Variants in SPON2 observed in about 807,000 individuals in gnomAD.
SPON2 encodes spondin-2.
A neutral mutation model predicts 29.9 loss-of-function variants in SPON2; 32 were observed. The observed-to-expected ratio is 1.07, with a 90% CI of 0.81 to 1.44. SPON2 has a LOEUF of 1.44. SPON2 is among the 40% of genes most tolerant of loss of function. The probability of loss-of-function intolerance (pLI) is 0.00; values close to 1 mark genes in which losing one functional copy is unlikely to be tolerated. For missense variants in SPON2, 541 were observed against 455.5 expected (o/e 1.19, Z -1.71); for synonymous variants, 248 against 209.1 (o/e 1.19, Z -1.61).
chr4:1,171,795 G>T lies in SPON2; in HGVS notation c.220+57C>A, dbSNP rs571597094. The T allele has an allele frequency of 4.2e-6, 5 of 1,195,086 alleles. No homozygotes were observed. In the Admixed American group the frequency reaches 5.1e-5, roughly 12 times the overall value. 74.0% of individuals were successfully genotyped at this position (1,195,086 alleles called of 1,614,324 possible). A position where few individuals can be genotyped will look rare whatever the true frequency, so the allele number is the denominator to read the frequency against. On this transcript the variant is annotated intron_variant, in intron 2 of 5. Coordinates refer to ENST00000290902, the MANE Select transcript of SPON2 (RefSeq NM_012445.4). ...GCGCCGCCGTGCAGCTGTGCGGGGG[G>T]CTCCGGCGCCGCAGCCCTCCTGGTG...
intron 4 of SPON2, 197 bp from the exon 5 acceptor site, chr4:1,170,773 G>A: frequency 2.1e-6 from 2 of 942,276 alleles, no homozygotes; most frequent in Non-Finnish European, 3.3e-6. Context: ...CAGCCTCCTC[G>A]GGACGCGCGT....
At chr4:1,173,440 G>C (rs1431897822), upstream of SPON2, among the ~76,000 whole-genome samples, 3 of 152,176 alleles carry the variant, frequency 2.0e-5, no homozygotes, top group South Asian at 2.1e-4. Flanking sequence ...GCTGCAGGCC[G>C]GCGGTGTGTG....
At chr4:1,176,265 A>G (rs1183294824), upstream of SPON2, among the ~76,000 whole-genome samples, 4 of 152,088 alleles carry the variant, frequency 2.6e-5, no homozygotes, top group Admixed American at 1.3e-4. Context: ...GGGTCACAGG[A>G]TAAGTATCCA....
At chr4:1,180,755 G>T (rs1727688458) in intron 1 of SPON2, among the ~76,000 whole-genome samples, 1 of 152,218 alleles carries the variant, frequency 6.6e-6, no homozygotes, top group Non-Finnish European at 1.5e-5. Flanking sequence ...ACTCTCACTA[G>T]AGGATTTCAA....
At chr4:1,194,024 C>T (rs1199743741) in intron 1 of SPON2, among the ~76,000 whole-genome samples, 1 of 151,980 alleles carries the variant, frequency 6.6e-6, no homozygotes, top group African/African-American at 2.4e-5. Context: ...CAGGGGGGTG[C>T]CCTGTGGCCC....
rs967416122 is a variant in SPON2 at position 1,202,330 on chromosome 4, G to T, written c.-234+5550C>A. 2.0e-5 allele frequency among the ~76,000 whole-genome samples: 3 copies of T among 152,124 alleles called. No individual in the cohort carries two copies. The highest frequency in any genetic ancestry group is 6.5e-5 in the Admixed American group (1 of 15,268). ...TGAGTGGATCAAACACCTCCCATCA[G>T]TCCCCACCTCCCGGCACTCCACGGG... On this transcript the variant is annotated intron_variant, in intron 1 of 3. Coordinates refer to the SPON2 transcript ENST00000509233. This position sits in a 1 kb window ranked among gnomAD's most constrained non-coding sequence, Gnocchi z 5.4.
chr4:1,174,486 C>CAAAAAAAAAAAAAAAACAAAA (rs1727550200), upstream of SPON2, among the ~76,000 whole-genome samples: 1 of 94,292 alleles, frequency 1.1e-5, no homozygotes, highest in Admixed American at 1.0e-4. Flanking sequence ...GACTCCATCT[C>CAAAAAAAAAAAAAAAACAAAA]AAAAAAAAAA....
chr4:1,198,342 G>A (rs559320737), upstream of SPON2, among the ~76,000 whole-genome samples: 26 of 152,284 alleles, frequency 1.7e-4, no homozygotes, highest in Admixed American at 1.3e-3. Flanking sequence ...AGGAGCAGAT[G>A]TCCGCAGCTG....
intron 1 of SPON2, chr4:1,194,928 C>T (rs1292119919): frequency 6.9e-6 from 1 of 144,010 alleles, no homozygotes; most frequent in East Asian, 2.0e-4. Context: ...CGGCTCCAAC[C>T]CCGCAGCCGG....
chr4:1,202,451 T>C lies in SPON2; in HGVS notation c.-234+5429A>G, dbSNP rs1171974579. On this transcript the variant is annotated intron_variant, in intron 1 of 3. Coordinates refer to the SPON2 transcript ENST00000509233. The surrounding 1 kb of genome is among the most constrained non-coding windows in gnomAD (Gnocchi z 5.4). The stretch of plus-strand genomic sequence containing the variant: ...CTCACCGCTCTCACATACAAAATCA[T>C]ATGAGTCAGCATTCTCTAGAGGGAC... Among the ~76,000 whole-genome samples the C allele has an allele frequency of 6.6e-6, 1 of 152,196 alleles. No homozygotes were observed. Among genetic ancestry groups the C allele is most frequent in the African/African-American group, 2.4e-5 (1 of 41,444 alleles).
At chr4:1,167,968 C>T in intron 5 of SPON2, 1 of 311,696 alleles carries the variant, frequency 3.2e-6, no homozygotes, top group South Asian at 8.5e-5. Context: ...GTGGGAACCC[C>T]GGGAGAGGGC....
chr4:1,196,282 G>A (rs937784798), upstream of SPON2, among the ~76,000 whole-genome samples: 2 of 152,218 alleles, frequency 1.3e-5, no homozygotes, highest in Non-Finnish European at 2.9e-5. Flanking sequence ...ACTCACGGCT[G>A]TGCATCTTCA....
chr4:1,172,299 G>T (rs1560202800), intron 1 of SPON2: 2 of 591,282 alleles, frequency 3.4e-6, no homozygotes, highest in South Asian at 4.0e-5. Context: ...CAGGGGTAAC[G>T]GGCAGGTTTT....
chr4:1,195,749 A>G (rs1728053591), upstream of SPON2, among the ~76,000 whole-genome samples: 1 of 137,104 alleles, frequency 7.3e-6, no homozygotes. Context: ...GGATGCCCAC[A>G]CCTCAGCCTC....
At chr4:1,201,272 C>T (rs1475557561) in intron 1 of SPON2, 1 of 383,710 alleles carries the variant, frequency 2.6e-6, no homozygotes, top group South Asian at 1.9e-5. Context: ...GCCCTACCTG[C>T]CCTGAGTGTC....
rs565037056 is a variant in SPON2 at position 1,171,226 on chromosome 4, C to G, written c.445-36G>C. On this transcript the variant is annotated intron_variant, in intron 3 of 5. Transcript: ENST00000290902. Reference sequence around the variant, plus strand: ...AGCGGCTCAGCGCGCCTGGCCCCGGCCCCCCGGACCCCGCCCCCGGCCGGC... The same window carrying G: ...AGCGGCTCAGCGCGCCTGGCCCCGGGCCCCCGGACCCCGCCCCCGGCCGGC... 4 of 1,430,606 alleles carry G rather than the reference C, an allele frequency of 2.8e-6. No homozygotes were observed. In the South Asian group the frequency reaches 4.5e-5, roughly 16 times the overall value. The allele number at this position is 1,430,606 out of a possible 1,614,324, so 88.6% of individuals were successfully genotyped here. A position where few individuals can be genotyped will look rare whatever the true frequency, so the allele number is the denominator to read the frequency against.
intron 5 of SPON2, among the ~76,000 whole-genome samples, chr4:1,169,471 C>T (rs1466466804): frequency 2.0e-5 from 3 of 152,148 alleles, no homozygotes; most frequent in Non-Finnish European, 4.4e-5. Context: ...GAGTGGTTCC[C>T]GCCAGCCAGG....
At chr4:1,198,119 A>C (rs1384667519), upstream of SPON2, among the ~76,000 whole-genome samples, 1 of 152,176 alleles carries the variant, frequency 6.6e-6, no homozygotes, top group African/African-American at 2.4e-5. Context: ...AAATAAAAAA[A>C]CCCACACATG....
rs899230771 is a variant in SPON2 at position 1,202,479 on chromosome 4, G to T, written c.-234+5401C>A. On this transcript the variant is annotated intron_variant, in intron 1 of 3. Coordinates refer to the SPON2 transcript ENST00000509233. The surrounding 1 kb of genome is among the most constrained non-coding windows in gnomAD (Gnocchi z 5.4). ...GAGTCAGCATTCTCTAGAGGGACAG[G>T]ACTCATAGGATACATGAACAGGGGA... Among the ~76,000 whole-genome samples the T allele has an allele frequency of 6.6e-6, 1 of 152,188 alleles. No individual in the cohort carries two copies. The highest frequency in any genetic ancestry group is 1.5e-5 in the Non-Finnish European group (1 of 68,026).
Sources: gnomAD v4.1 joint callset for allele counts (sites outside exome capture counted in the v4.1 genomes callset) on GRCh38, gnomAD v4.1.1 for gene constraint, Gnocchi (gnomAD v3.1) non-coding constraint, MANE v1.5 for transcripts, NCBI Gene and HGNC (gene_info 2026-07-23, HGNC 2026-07-21) for gene names.